XKR6: variants seen among roughly 807,000 people sequenced by gnomAD.
The protein encoded by XKR6 is XK-related protein 6.
A neutral mutation model predicts 56.7 loss-of-function variants in XKR6; 22 were observed. The ratio of observed to expected loss-of-function variants is 0.39; its 90% CI spans 0.28 to 0.55. The LOEUF is 0.55. Ranked by LOEUF, XKR6 falls within the 20% of genes least tolerant of loss-of-function variation. The pLI, the probability that XKR6 is intolerant of heterozygous loss-of-function variation, is 0.66. For missense variants in XKR6, 852 were observed against 889.0 expected (o/e 0.96, Z 0.53); for synonymous variants, 524 against 387.8 (o/e 1.35, Z -4.13).
intron 1 of XKR6, among the ~76,000 whole-genome samples, chr8:11,132,783 A>ACG (rs1414205331): frequency 6.9e-6 from 1 of 145,692 alleles, no homozygotes; most frequent in Non-Finnish European, 1.5e-5. Flanking sequence ...ACACACACAC[A>ACG]CACGCACATT....
chr8:11,158,751 C>T (rs767243103), intron 1 of XKR6, among the ~76,000 whole-genome samples: 5 of 152,222 alleles, frequency 3.3e-5, no homozygotes, highest in Non-Finnish European at 7.4e-5. Flanking sequence ...GCAAAGATGA[C>T]GAAACGGACA....
chr8:11,165,900 G>A (rs1328946191), intron 1 of XKR6, among the ~76,000 whole-genome samples: 2 of 151,446 alleles, frequency 1.3e-5, no homozygotes, highest in African/African-American at 2.4e-5. Flanking sequence ...AAAAAGCCAC[G>A]TGCAATGACC....
At chr8:11,137,590 T>C (rs1800470100) in intron 1 of XKR6, 1 of 456,250 alleles carries the variant, frequency 2.2e-6, no homozygotes, top group Non-Finnish European at 4.4e-6. Context: ...AAGTTCTCTT[T>C]AGAACCAGCT....
At chr8:11,011,377 T>C (rs1355900847) in intron 1 of XKR6, among the ~76,000 whole-genome samples, 2 of 152,194 alleles carry the variant, frequency 1.3e-5, no homozygotes, top group Admixed American at 1.3e-4. Flanking sequence ...GGATAGGCTG[T>C]CACCAGAAGG....
chr8:10,969,911 G>A (rs1407715511), intron 1 of XKR6, among the ~76,000 whole-genome samples: 1 of 152,238 alleles, frequency 6.6e-6, no homozygotes. Flanking sequence ...ACCCATGTGA[G>A]GAACAGGCAA....
intron 1 of XKR6, among the ~76,000 whole-genome samples, chr8:10,951,086 A>C (rs535072651): frequency 6.6e-6 from 1 of 152,200 alleles, no homozygotes; most frequent in Admixed American, 6.5e-5. Context: ...CCATCCATCC[A>C]CGACCCCAGG....
chr8:11,040,093 T>C (rs1221057646), intron 1 of XKR6, among the ~76,000 whole-genome samples: 1 of 152,020 alleles, frequency 6.6e-6, no homozygotes. Flanking sequence ...CCCAGGCAGT[T>C]CCTTGGGAAG....
chr8:10,994,505 C>T (rs1281972411), intron 1 of XKR6, among the ~76,000 whole-genome samples: 5 of 152,202 alleles, frequency 3.3e-5, no homozygotes, highest in Admixed American at 1.3e-4. Flanking sequence ...CTCTGCAAGG[C>T]GCCTGTCCTC....
At chr8:11,017,796 T>A (rs1798660386) in intron 1 of XKR6, among the ~76,000 whole-genome samples, 1 of 152,140 alleles carries the variant, frequency 6.6e-6, no homozygotes, top group Admixed American at 6.5e-5. Flanking sequence ...TAGGTGCCCA[T>A]AGGAATAGAG....
At chr8:10,930,717 T>C (rs925803649) in intron 1 of XKR6, among the ~76,000 whole-genome samples, 1 of 152,196 alleles carries the variant, frequency 6.6e-6, no homozygotes, top group Admixed American at 6.5e-5. Flanking sequence ...AAGTAAAAGG[T>C]AACACAATTC....
chr8:11,051,934 G>A (rs1052197766), intron 1 of XKR6, among the ~76,000 whole-genome samples: 2 of 152,200 alleles, frequency 1.3e-5, no homozygotes, highest in African/African-American at 2.4e-5. Flanking sequence ...ACAGAGGTGC[G>A]CGTGTGCCAC....
chr8:11,045,639 G>A (rs1799394354), intron 1 of XKR6, among the ~76,000 whole-genome samples: 1 of 152,164 alleles, frequency 6.6e-6, no homozygotes, highest in African/African-American at 2.4e-5. Context: ...GAGTGTTGCG[G>A]ACAGCTCGGA....
At chr8:10,955,444 G>C (rs917482859) in intron 1 of XKR6, among the ~76,000 whole-genome samples, 7 of 152,168 alleles carry the variant, frequency 4.6e-5, no homozygotes, top group African/African-American at 1.7e-4. Context: ...GCCTCCCAAA[G>C]TGCTAGAATT....
At chr8:11,011,877 T>G (rs1563345003) in intron 1 of XKR6, among the ~76,000 whole-genome samples, 1 of 152,102 alleles carries the variant, frequency 6.6e-6, no homozygotes, top group Non-Finnish European at 1.5e-5. Flanking sequence ...GGGGATAGCA[T>G]GAGGGAGGGA....
intron 1 of XKR6, among the ~76,000 whole-genome samples, chr8:10,966,925 A>C (rs916679100): frequency 2.0e-5 from 3 of 152,122 alleles, no homozygotes; most frequent in African/African-American, 7.2e-5. Flanking sequence ...TCTTAGCCTC[A>C]GTCATCTTTC....
chr8:10,948,811 C>T (rs1801629476), intron 1 of XKR6, among the ~76,000 whole-genome samples: 1 of 152,250 alleles, frequency 6.6e-6, no homozygotes, highest in African/African-American at 2.4e-5. Context: ...ACGTGCTCAT[C>T]TGTGTTGCTT....
chr8:11,035,956 T>G (rs1005207005), intron 1 of XKR6, among the ~76,000 whole-genome samples: 1 of 148,306 alleles, frequency 6.7e-6, no homozygotes, highest in African/African-American at 2.5e-5. Context: ...TTTTTTTTTT[T>G]TTTTTGAGGC....
In XKR6 at chr8:11,073,644, T is replaced by G. The variant is rs143229844; in HGVS notation, c.764+126932A>C. On this transcript the variant is annotated intron_variant, in intron 1 of 2. Coordinates refer to ENST00000416569, the MANE Select transcript of XKR6 (RefSeq NM_173683.4). ...GTTTTCCTTTCCAGACCAAAACTTTTCATCAATAATAGAGAATTAAAAGAT... is the reference window on the plus strand; with the variant it reads ...GTTTTCCTTTCCAGACCAAAACTTTGCATCAATAATAGAGAATTAAAAGAT... Among the ~76,000 whole-genome samples, 238 of 152,350 alleles carry G rather than the reference T, an allele frequency of 1.6e-3. 1 individual carries two copies. The highest frequency in any genetic ancestry group is 5.5e-3 in the African/African-American group (228 of 41,582).
At chr8:10,942,542 G>C (rs1441866352) in intron 1 of XKR6, among the ~76,000 whole-genome samples, 1 of 152,196 alleles carries the variant, frequency 6.6e-6, no homozygotes, top group African/African-American at 2.4e-5. Context: ...GAGAGACCGG[G>C]CACACAGAGC....
Sources: gnomAD v4.1 joint callset for allele counts (sites outside exome capture counted in the v4.1 genomes callset) on GRCh38, gnomAD v4.1.1 for gene constraint, MANE v1.5 for transcripts, NCBI Gene and HGNC (gene_info 2026-07-23, HGNC 2026-07-21) for gene names.